THSD7B: variants seen among roughly 807,000 people sequenced by gnomAD.
The protein encoded by THSD7B is thrombospondin type-1 domain-containing protein 7B.
A neutral mutation model predicts 213.6 loss-of-function variants in THSD7B; 138 were observed. That is an observed-to-expected ratio of 0.65 (90% CI 0.56 to 0.74). The LOEUF (loss-of-function observed/expected upper bound fraction) is 0.74, where lower values mean the gene tolerates loss of function less well. THSD7B is among the 30% of genes least tolerant of loss of function. The probability of loss-of-function intolerance (pLI) is 0.00; values close to 1 mark genes in which losing one functional copy is unlikely to be tolerated. For missense variants in THSD7B, 1,931 were observed against 1,991.5 expected (o/e 0.97, Z 0.58); for synonymous variants, 742 against 687.0 (o/e 1.08, Z -1.25).
chr2:136,832,201 G>GTGTGTGTA (rs66731773), intron 1 of THSD7B, among the ~76,000 whole-genome samples: 38,827 of 146,296 alleles, frequency 0.27, 5,808 homozygotes, highest in Middle Eastern at 0.32. Flanking sequence ...GTGTGTGTGT[G>GTGTGTGTA]TATACACACA....
chr2:137,261,303 A>G (rs1158672360), intron 10 of THSD7B, among the ~76,000 whole-genome samples: 1 of 152,184 alleles, frequency 6.6e-6, no homozygotes, highest in East Asian at 1.9e-4. Flanking sequence ...TCTCAAAGGA[A>G]GTATAGGGGT....
At chr2:137,277,659 T>C (rs1682904251) in intron 12 of THSD7B, among the ~76,000 whole-genome samples, 1 of 152,048 alleles carries the variant, frequency 6.6e-6, no homozygotes, top group Non-Finnish European at 1.5e-5. Flanking sequence ...TCATAATATA[T>C]GAATTTGGAA....
intron 15 of THSD7B, among the ~76,000 whole-genome samples, chr2:137,549,374 C>A (rs993609116): frequency 1.0e-4 from 10 of 95,750 alleles, no homozygotes; most frequent in African/African-American, 4.1e-4. Context: ...CACCTGATTT[C>A]TGATGGTCAT....
At chr2:137,113,032 T>C (rs984960270) in intron 4 of THSD7B, among the ~76,000 whole-genome samples, 3 of 152,140 alleles carry the variant, frequency 2.0e-5, no homozygotes, top group Non-Finnish European at 4.4e-5. Flanking sequence ...ACTACCCTCT[T>C]TTTGCGTGTC....
intron 15 of THSD7B, among the ~76,000 whole-genome samples, chr2:137,468,599 G>A (rs1247625385): frequency 1.3e-5 from 1 of 79,742 alleles, no homozygotes; most frequent in Non-Finnish European, 2.4e-5. Flanking sequence ...AAAAGCTTCA[G>A]AGGCAAATAG....
At chr2:137,309,275 T>A (rs1284001473) in intron 12 of THSD7B, among the ~76,000 whole-genome samples, 2 of 150,908 alleles carry the variant, frequency 1.3e-5, no homozygotes, top group Admixed American at 6.6e-5. Context: ...TTTTCAGACA[T>A]TACTTCTCAG....
Position 137,115,226 on chromosome 2 carries a change from G to A in THSD7B, c.1302G>A (p.Gly434=), listed in dbSNP as rs1227132641. Residue 434 remains glycine (G), a synonymous_variant, in exon 5 of 28, where the codon GGG becomes GGA. Coordinates refer to ENST00000409968, the MANE Select transcript of THSD7B (RefSeq NM_001316349.2). The part of the protein sequence containing the change: ...WHVTGPVCGG[G]IQTREVYCAQ... ...TGACGGGACCCGTGTGTGGCGGTGG[G>A]ATCCAGACCCGGGAGGTGTACTGTG... is the stretch of plus-strand genomic sequence containing the variant. 1 of 1,613,520 alleles carries A rather than the reference G, an allele frequency of 6.2e-7. No individual in the cohort carries two copies. The highest frequency in any genetic ancestry group is 8.5e-7 in the Non-Finnish European group (1 of 1,179,734).
At chr2:137,012,230 T>C (rs777421802) in intron 2 of THSD7B, among the ~76,000 whole-genome samples, 3 of 152,180 alleles carry the variant, frequency 2.0e-5, no homozygotes, top group Non-Finnish European at 2.9e-5. Context: ...GGAGCTGAGT[T>C]TTTAGAACTA....
At position 137,094,959 on chromosome 2, in the gene THSD7B, G is replaced by A. The variant is rs568487476; in HGVS notation, c.1037G>A (p.Ser346Asn). The change falls in exon 4 of 28, where the codon AGC (serine) becomes AAC (asparagine). Residue 346 changes from serine (S) to asparagine (N), a missense_variant. Ser to Asn is a conservative substitution (Grantham distance 46, BLOSUM62 1). Transcript: ENST00000409968. ...DCETSQWSSW[S>N]PCSKTCRSGS... ...GAAACCTCCCAGTGGTCCTCCTGGA[G>A]CCCCTGCTCCAAGACATGCCGTTCA... 1.9e-5 allele frequency: 30 copies of A among 1,613,828 alleles called. No homozygotes were observed. In the African/African-American group the frequency reaches 3.9e-4, roughly 21 times the overall value.
chr2:136,871,632 T>C (rs1342714107), intron 1 of THSD7B, among the ~76,000 whole-genome samples: 1 of 152,202 alleles, frequency 6.6e-6, no homozygotes, highest in Non-Finnish European at 1.5e-5. Context: ...AAGGCAGTTC[T>C]GAAATTATAA....
In THSD7B at chr2:137,323,068, C is replaced by T. The variant is rs1243304931; in HGVS notation, c.2500+47042C>T. Among the ~76,000 whole-genome samples, 4 of 152,202 alleles carry T rather than the reference C, an allele frequency of 2.6e-5. No individual in the cohort carries two copies. The East Asian group carries it at 7.7e-4, about 29-fold the overall frequency. ...GGCAAGCTCACTGGTCACCACCAGT[C>T]AACATACAGTGTAGTAGAAACTCAA... On this transcript the variant is annotated intron_variant, in intron 12 of 27. Coordinates refer to ENST00000409968, the MANE Select transcript of THSD7B (RefSeq NM_001316349.2).
intron 2 of THSD7B, among the ~76,000 whole-genome samples, chr2:136,971,533 C>A (rs1685403132): frequency 6.6e-6 from 1 of 151,300 alleles, no homozygotes; most frequent in Admixed American, 6.6e-5. Context: ...TACCAAGGAG[C>A]ACTAAATATT....
At chr2:137,141,068 T>A (rs997635712) in intron 5 of THSD7B, among the ~76,000 whole-genome samples, 1 of 152,138 alleles carries the variant, frequency 6.6e-6, no homozygotes, top group Non-Finnish European at 1.5e-5. Flanking sequence ...GTTCCTGGAA[T>A]GTTCCCCAAG....
intron 7 of THSD7B, among the ~76,000 whole-genome samples, chr2:137,206,202 A>AT (rs1404048316): frequency 6.6e-6 from 1 of 151,974 alleles, no homozygotes; most frequent in Non-Finnish European, 1.5e-5. Flanking sequence ...GTGTCATTTA[A>AT]TTCTTGACAC....
In THSD7B at chr2:136,817,733, A is replaced by G. The variant is rs543856223; in HGVS notation, c.-36+52046A>G. On this transcript the variant is annotated intron_variant, in intron 1 of 27. Transcript: ENST00000409968. ...CAAACAACCCCATCAAAAAGTGGGCAAAGGACATGAACAGACACTTCTCAA... is the reference window on the plus strand; with the variant it reads ...CAAACAACCCCATCAAAAAGTGGGCGAAGGACATGAACAGACACTTCTCAA... 8.7e-3 allele frequency among the ~76,000 whole-genome samples: 1,319 copies of G among 151,322 alleles called. 23 individuals carry two copies. Among genetic ancestry groups the G allele is most frequent in the African/African-American group, 0.031 (1,275 of 41,190 alleles).
chr2:137,365,249 A>T (rs1006421182), intron 12 of THSD7B, among the ~76,000 whole-genome samples: 1 of 152,238 alleles, frequency 6.6e-6, no homozygotes, highest in Non-Finnish European at 1.5e-5. Context: ...TTCAAGATGG[A>T]TTAAAGACTT....
chr2:137,035,056 C>T (rs1050753261), intron 2 of THSD7B, among the ~76,000 whole-genome samples: 3 of 152,210 alleles, frequency 2.0e-5, no homozygotes, highest in African/African-American at 7.2e-5. Flanking sequence ...AGCTCTACAA[C>T]GTGCTACAAT....
chr2:137,018,079 T>C (rs1007986731), intron 2 of THSD7B, among the ~76,000 whole-genome samples: 1 of 152,008 alleles, frequency 6.6e-6, no homozygotes, highest in Non-Finnish European at 1.5e-5. Flanking sequence ...TGTATATTGC[T>C]ATTGCTGTGT....
At chr2:137,538,629 A>C (rs1680551543) in intron 15 of THSD7B, 1 of 361,128 alleles carries the variant, frequency 2.8e-6, no homozygotes, top group Non-Finnish European at 5.4e-6. Context: ...GACAGAAAAA[A>C]ATTCCTCCCA....
Sources: gnomAD v4.1 joint callset for allele counts (sites outside exome capture counted in the v4.1 genomes callset) on GRCh38, gnomAD v4.1.1 for gene constraint, MANE v1.5 for transcripts, NCBI Gene and HGNC (gene_info 2026-07-23, HGNC 2026-07-21) for gene names.